TSPAN3: variants seen among roughly 807,000 people sequenced by gnomAD.
TSPAN3 encodes the protein tetraspanin 3, also known as tetraspanin-3.
In TSPAN3, 9 loss-of-function variants were observed where a neutral mutation model predicts 31.1. The ratio of observed to expected loss-of-function variants is 0.29; its 90% CI spans 0.17 to 0.50. The LOEUF is 0.50. Among genes scored for constraint, TSPAN3 ranks in the 20% least tolerant of loss-of-function variants. The probability of loss-of-function intolerance (pLI) is 0.98; values close to 1 mark genes in which losing one functional copy is unlikely to be tolerated. For synonymous variants in TSPAN3, 129 were observed against 114.3 expected, an observed-to-expected ratio of 1.13 and a Z score of -0.82; for missense variants, 252 against 313.5, an observed-to-expected ratio of 0.80 and a Z score of 1.48.
intron 1 of TSPAN3, among the ~76,000 whole-genome samples, chr15:77,069,313 C>A (rs937811644): frequency 4.6e-5 from 7 of 152,126 alleles, no homozygotes; most frequent in Non-Finnish European, 1.0e-4. Context: ...ATTAAATTAG[C>A]AAAAGATGCC....
At position 77,046,580 on chromosome 15, in the gene TSPAN3, G is replaced by A. The variant is rs1217024530; in HGVS notation, c.*255C>T. 2 of 519,892 alleles carry A rather than the reference G, an allele frequency of 3.8e-6. No homozygotes were observed. Among genetic ancestry groups the A allele is most frequent in the East Asian group, 3.0e-5 (1 of 33,588 alleles). 32.2% of individuals were successfully genotyped at this position (519,892 alleles called of 1,614,324 possible). On this transcript the variant is annotated 3_prime_UTR_variant, in exon 7 of 7. Coordinates refer to ENST00000267970, the MANE Select transcript of TSPAN3 (RefSeq NM_005724.6). ...TTAATTCTACCACACTACATGACTC[G>A]CAATTGGTTCTGAAATTAGAACGTT...
intron 6 of TSPAN3, among the ~76,000 whole-genome samples, chr15:77,049,327 CAGTTCTT>C (rs2076714006): frequency 1.3e-5 from 2 of 152,112 alleles, no homozygotes; most frequent in Non-Finnish European, 2.9e-5. Context: ...CCTTGGGAAA[CAGTTCTT>C]TATGAAATCT....
intron 4 of TSPAN3, among the ~76,000 whole-genome samples, chr15:77,053,769 T>C (rs941488130): frequency 1.3e-5 from 2 of 152,164 alleles, no homozygotes; most frequent in Non-Finnish European, 2.9e-5. Flanking sequence ...TATCAGACTG[T>C]CCATAACAAC....
chr15:77,050,339 T>C (rs998188309), intron 6 of TSPAN3, among the ~76,000 whole-genome samples: 3 of 152,220 alleles, frequency 2.0e-5, no homozygotes, highest in African/African-American at 7.2e-5. Flanking sequence ...TCTGAATCCC[T>C]AAACTTAAGC....
intron 2 of TSPAN3, 32 bp from the exon 3 acceptor site, chr15:77,055,895 A>T: frequency 6.4e-7 from 1 of 1,573,908 alleles, no homozygotes; most frequent in Non-Finnish European, 8.6e-7. Context: ...AATTATATAC[A>T]AATGAAAAAA....
At chr15:77,052,244 G>C in intron 6 of TSPAN3, 141 bp downstream of exon 6, 1 of 693,772 alleles carries the variant, frequency 1.4e-6, no homozygotes, top group South Asian at 1.9e-5. Flanking sequence ...GGAAAACATG[G>C]GAAACTGGAG....
chr15:77,041,798 G>A lies in TSPAN3; in HGVS notation c.*5037C>T, dbSNP rs954195132. 2 of 152,206 alleles carry A rather than the reference G, an allele frequency of 1.3e-5. No individual in the cohort carries two copies. Among genetic ancestry groups the A allele is most frequent in the Non-Finnish European group, 2.9e-5 (2 of 68,038 alleles). The allele number at this position is 152,206 out of a possible 1,614,324, so 9.4% of individuals were successfully genotyped here. On this transcript the variant is annotated 3_prime_UTR_variant, in exon 7 of 7. Coordinates refer to ENST00000267970, the MANE Select transcript of TSPAN3 (RefSeq NM_005724.6). The stretch of plus-strand genomic sequence containing the variant: ...AGTGCTTTGAAACTAGATACAGGCA[G>A]TGGTTCTATAGCATGGTGAATGTAC...
In TSPAN3 at chr15:77,052,371, C is replaced by T. The variant is rs776546986; in HGVS notation, c.669+14G>A. ...AACTCACTCCGATAGAACTCCTTGG[C>T]AAGCTGTGCTTACCTGAATAGCTGC... is the stretch of plus-strand genomic sequence containing the variant. On this transcript the variant is annotated intron_variant, in intron 6 of 6. Transcript: ENST00000267970. 5 of 1,613,242 alleles carry T rather than the reference C, an allele frequency of 3.1e-6. No individual in the cohort carries two copies. The Admixed American group carries it at 8.3e-5, about 27-fold the overall frequency.
intron 1 of TSPAN3, among the ~76,000 whole-genome samples, chr15:77,061,712 G>T (rs560978833): frequency 1.3e-5 from 2 of 152,168 alleles, no homozygotes; most frequent in Non-Finnish European, 2.9e-5. Flanking sequence ...ATACAAAGGC[G>T]AAAGCATCCC....
intron 6 of TSPAN3, 72 bp from the exon 7 acceptor site, chr15:77,046,999 G>A: frequency 8.0e-7 from 1 of 1,242,658 alleles, no homozygotes; most frequent in Non-Finnish European, 1.1e-6. Flanking sequence ...TTTCTTTGTT[G>A]GTAAAAGAGC....
intron 1 of TSPAN3, 28 bp downstream of exon 1, chr15:77,070,864 G>A (rs1483071117): frequency 2.3e-6 from 3 of 1,293,584 alleles, no homozygotes; most frequent in South Asian, 2.1e-5. Context: ...CCCGCCGCCG[G>A]CCCCTCGCTC....
intron 1 of TSPAN3, among the ~76,000 whole-genome samples, chr15:77,068,911 T>C (rs1367029947): frequency 2.6e-5 from 4 of 152,186 alleles, no homozygotes; most frequent in Admixed American, 2.6e-4. Context: ...GTTGGTTCCA[T>C]GTTTTTGCTA....
chr15:77,047,498 T>C (rs939878767), intron 6 of TSPAN3, among the ~76,000 whole-genome samples: 1 of 152,120 alleles, frequency 6.6e-6, no homozygotes, highest in Middle Eastern at 3.2e-3. Flanking sequence ...AAACAAATTC[T>C]GATGCCAAAA....
chr15:77,053,664 G>GT (rs1467016531), intron 4 of TSPAN3, among the ~76,000 whole-genome samples: 2 of 152,012 alleles, frequency 1.3e-5, no homozygotes, highest in African/African-American at 2.4e-5. Context: ...GAAGCAAAAA[G>GT]TAAGTAGGGG....
intron 6 of TSPAN3, among the ~76,000 whole-genome samples, chr15:77,047,829 T>C (rs2152694933): frequency 6.6e-6 from 1 of 152,350 alleles, no homozygotes; most frequent in Non-Finnish European, 1.5e-5. Context: ...CCTCAGTTAT[T>C]TGATTTTAAA....
At chr15:77,046,950 G>A (rs1440075360) in intron 6 of TSPAN3, 23 bp from the exon 7 acceptor site, 2 of 1,549,768 alleles carry the variant, frequency 1.3e-6, no homozygotes, top group South Asian at 2.4e-5. Context: ...AACAACAATG[G>A]GGAAAAAAGG....
At chr15:77,049,962 G>T (rs890483360) in intron 6 of TSPAN3, among the ~76,000 whole-genome samples, 1 of 152,110 alleles carries the variant, frequency 6.6e-6, no homozygotes, top group African/African-American at 2.4e-5. Context: ...ACAAAGGCAG[G>T]GGTCTCTAGA....
intron 1 of TSPAN3, among the ~76,000 whole-genome samples, chr15:77,066,754 A>G (rs1447937547): frequency 6.6e-6 from 1 of 152,152 alleles, no homozygotes; most frequent in African/African-American, 2.4e-5. Context: ...TCACTTGTCC[A>G]AGATTATCTT....
chr15:77,049,405 A>G (rs1007322201), intron 6 of TSPAN3, among the ~76,000 whole-genome samples: 1 of 152,220 alleles, frequency 6.6e-6, no homozygotes, highest in Admixed American at 6.5e-5. Context: ...GTAAAGACTT[A>G]GAACATTTTC....
Sources: allele counts gnomAD v4.1 joint callset (sites outside exome capture counted in the v4.1 genomes callset), GRCh38; gene constraint gnomAD v4.1.1; transcripts MANE v1.5; gene names NCBI Gene and HGNC (gene_info 2026-07-23, HGNC 2026-07-21).